LVRN: variants seen among roughly 807,000 people sequenced by gnomAD.
The protein encoded by LVRN is aminopeptidase Q.
Under a neutral mutation model 111.4 loss-of-function variants are expected in LVRN, and 99 were observed. That is an observed-to-expected ratio of 0.89 (90% CI 0.76 to 1.05). The LOEUF (loss-of-function observed/expected upper bound fraction) is 1.05. LVRN is among the 50% of genes least tolerant of loss of function. The pLI is 0.00. For missense variants in LVRN, 1,414 were observed against 1,206.8 expected (o/e 1.17, Z -2.54); for synonymous variants, 488 against 449.5 (o/e 1.09, Z -1.08).
In LVRN at chr5:116,017,255, G is replaced by A. The variant is rs183362029; in HGVS notation, c.2756+1490G>A. Among the ~76,000 whole-genome samples the A allele has an allele frequency of 1.4e-3, 210 of 152,282 alleles. 1 individual carries two copies. The highest frequency in any genetic ancestry group is 4.1e-3 in the African/African-American group (171 of 41,564). On this transcript the variant is annotated intron_variant, in intron 18 of 19. Transcript: ENST00000357872. ...ACTGGAGAGGAGTTAGGAGTGGGAA[G>A]GTAAGTTGAGGCTCAGAGAGAAGGA...
chr5:116,026,083 GC>G lies in LVRN; in HGVS notation c.2940del (p.Arg981GlyfsTer2). ...NENLKNKKLS[A>X]RIAAWLRRNT ...AAATCTGAAAAACAAGAAGCTAAGT[GC>G]CAGGATAGCTGCGTGGCTAAGGAGA... On this transcript the variant is annotated frameshift_variant, in exon 20 of 20. Transcript: ENST00000357872. LOFTEE classifies it high-confidence loss of function. 1 of 1,613,864 alleles carries G rather than the reference GC, an allele frequency of 6.2e-7. No homozygotes were observed. Among genetic ancestry groups the G allele is most frequent in the Non-Finnish European group, 8.5e-7 (1 of 1,179,844 alleles).
rs146635736 is a variant in LVRN at position 116,010,837 on chromosome 5, G to A, written c.2190G>A (p.Leu730=). The A allele has an allele frequency of 4.3e-6, 7 of 1,610,854 alleles. No homozygotes were observed. The African/African-American group carries it at 9.4e-5, about 22-fold the overall frequency. Residue 730 remains leucine, a synonymous_variant, in exon 14 of 20, where the codon TTG becomes TTA. Transcript: ENST00000357872. ...IIVWHTVLVN[L]VTRDLVSEVN... ...TATGGCATACAGTCTTGGTAAACTT[G>A]GTAACCAGGGATCTTGTTTCTGAGG...
At chr5:116,010,421 A>T in intron 13 of LVRN, 1 of 397,504 alleles carries the variant, frequency 2.5e-6, no homozygotes, top group Non-Finnish European at 5.0e-6. Context: ...ATATTTGTTG[A>T]ATGCAAATTA....
intron 13 of LVRN, among the ~76,000 whole-genome samples, chr5:116,007,508 A>G (rs957799879): frequency 6.6e-6 from 1 of 152,000 alleles, no homozygotes; most frequent in Non-Finnish European, 1.5e-5. Flanking sequence ...TGACTTTTCT[A>G]TCTTATCCCT....
intron 17 of LVRN, 94 bp downstream of exon 17, chr5:116,015,513 C>T (rs577499317): frequency 4.5e-5 from 66 of 1,467,556 alleles, no homozygotes; most frequent in South Asian, 1.2e-4. Context: ...AGTATTAAAA[C>T]GTTGCGTATT....
intron 1 of LVRN, chr5:115,976,200 T>G (rs1220375549): frequency 6.6e-6 from 1 of 152,410 alleles, no homozygotes; most frequent in Admixed American, 6.5e-5. Context: ...TCAGTTCCTC[T>G]GCCAGTCTCC....
At chr5:116,018,606 A>G (rs541640682) in intron 18 of LVRN, among the ~76,000 whole-genome samples, 1 of 152,050 alleles carries the variant, frequency 6.6e-6, no homozygotes, top group East Asian at 1.9e-4. Context: ...CGGGAGGTGC[A>G]GGTTGCAGTG....
At chr5:116,020,126 G>T (rs1748692496) in intron 18 of LVRN, 1 of 152,218 alleles carries the variant, frequency 6.6e-6, no homozygotes, top group South Asian at 2.1e-4. Flanking sequence ...TCTTGGTCTT[G>T]CCCCTCACTC....
At chr5:116,003,870 C>T (rs534610286) in intron 12 of LVRN, among the ~76,000 whole-genome samples, 3 of 152,216 alleles carry the variant, frequency 2.0e-5, no homozygotes, top group Non-Finnish European at 4.4e-5. Flanking sequence ...CGTGAGCCAC[C>T]GCGCCGGCCA....
chr5:116,004,731 C>T lies in LVRN; in HGVS notation c.2038-1181C>T, dbSNP rs137976063. 5.3e-5 allele frequency among the ~76,000 whole-genome samples: 8 copies of T among 152,242 alleles called. No individual in the cohort carries two copies. The East Asian group carries it at 1.4e-3, about 26-fold the overall frequency. On this transcript the variant is annotated intron_variant, in intron 12 of 19. Coordinates refer to ENST00000357872, the MANE Select transcript of LVRN (RefSeq NM_173800.5). ...ACCATTAAAAGTCTAGAGAAGGCAT[C>T]CTGGTTGTACCTCAATTTCTTATTT... is the stretch of plus-strand genomic sequence containing the variant.
intron 19 of LVRN, chr5:116,023,568 G>A (rs1049613750): frequency 3.9e-5 from 6 of 152,280 alleles, no homozygotes; most frequent in African/African-American, 1.4e-4. Flanking sequence ...GGCCACACTA[G>A]GAGACAGCCC....
Position 115,962,629 on chromosome 5 carries a change from T to A in LVRN, c.12T>A (p.Pro4=), listed in dbSNP as rs1753102867. The A allele has an allele frequency of 6.3e-7, 1 of 1,597,242 alleles. No individual in the cohort carries two copies. The highest frequency in any genetic ancestry group is 1.3e-5 in the African/African-American group (1 of 74,664). MGP[P]SSSGFYVSRA... is the part of the protein sequence containing the mutation. ...ACCCGGTCCCTGCCATGGGGCCCCCTTCCAGCTCAGGCTTCTATGTGAGCC... is the reference window on the plus strand; with the variant it reads ...ACCCGGTCCCTGCCATGGGGCCCCCATCCAGCTCAGGCTTCTATGTGAGCC... Residue 4 remains proline (P), a synonymous_variant, in exon 1 of 20, where the codon CCT becomes CCA. Coordinates refer to ENST00000357872, the MANE Select transcript of LVRN (RefSeq NM_173800.5).
intron 18 of LVRN, among the ~76,000 whole-genome samples, chr5:116,019,452 C>G (rs761665494): frequency 6.6e-6 from 1 of 152,200 alleles, no homozygotes; most frequent in Non-Finnish European, 1.5e-5. Flanking sequence ...ACAGGGTTCA[C>G]TCTTGGTGTT....
chr5:116,005,929 C>G lies in LVRN; in HGVS notation c.2055C>G (p.His685Gln), dbSNP rs767486454. 4 of 1,597,954 alleles carry G rather than the reference C, an allele frequency of 2.5e-6. No individual in the cohort carries two copies. Among genetic ancestry groups the G allele is most frequent in the Non-Finnish European group, 3.4e-6 (4 of 1,165,558 alleles). Residue 685 changes from histidine (H) to glutamine (Q), a missense_variant, in exon 13 of 20, where the codon CAC (histidine) becomes CAG (glutamine). Transcript: ENST00000357872. ...TTCTGCAGGCGATTCCTGTTATTCA[C>G]AGACTGCAGTTGATTGATGATGCCT... The part of the protein sequence containing the change: ...EKDPKAIPVI[H>Q]RLQLIDDAFS...
chr5:116,018,215 C>T (rs148581461), intron 18 of LVRN, among the ~76,000 whole-genome samples: 23 of 152,318 alleles, frequency 1.5e-4, no homozygotes, highest in Middle Eastern at 3.4e-3. Context: ...TACTTAAAGT[C>T]AATACCTAGT....
chr5:116,000,284 G>A, intron 7 of LVRN, 149 bp from the exon 8 acceptor site: 2 of 1,097,216 alleles, frequency 1.8e-6, no homozygotes, highest in Non-Finnish European at 2.7e-6. Flanking sequence ...CTACTATTTT[G>A]TTAGCACATT....
Position 115,994,758 on chromosome 5 carries a change from T to C in LVRN, c.1374+904T>C, listed in dbSNP as rs138138045. Among the ~76,000 whole-genome samples, 235 of 152,366 alleles carry C rather than the reference T, an allele frequency of 1.5e-3. 4 individuals are homozygous for C. The East Asian group carries it at 0.035, about 23-fold the overall frequency. ...TCAACTGTAGGTTTTACTTCTGATA[T>C]TTAATTTATTTAGAGTAATTATGTA... On this transcript the variant is annotated intron_variant, in intron 6 of 19. Transcript: ENST00000357872.
At chr5:116,008,461 A>T (rs1170655442) in intron 13 of LVRN, among the ~76,000 whole-genome samples, 1 of 152,202 alleles carries the variant, frequency 6.6e-6, no homozygotes, top group South Asian at 2.1e-4. Flanking sequence ...AAAGCTAGAA[A>T]TGATTAAGTT....
At chr5:116,010,696 A>C (rs759380550) in intron 13 of LVRN, 45 bp from the exon 14 acceptor site, 2 of 1,559,512 alleles carry the variant, frequency 1.3e-6, no homozygotes, top group African/African-American at 2.7e-5. Flanking sequence ...CAAATTACTT[A>C]GCAAGTGAAG....
Sources: gnomAD v4.1 joint callset for allele counts (sites outside exome capture counted in the v4.1 genomes callset) on GRCh38, gnomAD v4.1.1 for gene constraint, MANE v1.5 for transcripts, NCBI Gene and HGNC (gene_info 2026-07-23, HGNC 2026-07-21) for gene names.